The following ANTXR1 variants were observed in gnomAD, a reference collection of about 807,000 sequenced individuals.
The protein encoded by ANTXR1 is ANTXR cell adhesion molecule 1, also known as anthrax toxin receptor 1.
In ANTXR1, 19 loss-of-function variants were observed where a neutral mutation model predicts 78.1. That is an observed-to-expected ratio of 0.24 (90% confidence interval 0.17 to 0.36). ANTXR1 has a LOEUF of 0.36. ANTXR1 is among the 10% of genes least tolerant of loss of function. The probability of loss-of-function intolerance (pLI) is 1.00; values close to 1 mark genes in which losing one functional copy is unlikely to be tolerated. For missense variants in ANTXR1, 518 were observed against 718.6 expected (o/e 0.72, Z 3.19); for synonymous variants, 273 against 260.5 (o/e 1.05, Z -0.46).
At chr2:69,058,257 G>A (rs913852321) in intron 3 of ANTXR1, among the ~76,000 whole-genome samples, 24 of 152,180 alleles carry the variant, frequency 1.6e-4, no homozygotes, top group African/African-American at 5.3e-4. Context: ...GGAAGAAGAT[G>A]CCATCTAGGA....
intron 12 of ANTXR1, chr2:69,146,053 C>T (rs1294511076): frequency 8.1e-6 from 8 of 985,320 alleles, no homozygotes; most frequent in East Asian, 1.1e-4. Flanking sequence ...CCATTCAAGC[C>T]GGGCAGCCTT....
intron 10 of ANTXR1, 173 bp downstream of exon 10, chr2:69,103,113 A>G: frequency 1.4e-6 from 1 of 732,738 alleles, no homozygotes; most frequent in Non-Finnish European, 2.4e-6. Flanking sequence ...CCAGTCAGAA[A>G]AGGCACCACT....
Position 69,245,220 on chromosome 2 carries a change from T to C in ANTXR1, c.1435-5T>C, listed in dbSNP as rs1675988811. The C allele has an allele frequency of 9.3e-6, 15 of 1,613,950 alleles. No individual in the cohort carries two copies. Among genetic ancestry groups the C allele is most frequent in the Non-Finnish European group, 1.3e-5 (15 of 1,179,996 alleles). ...CACGTTTCCTTCTCTCCAATTCTTT[T>C]CTAGGGGCGCTGCATCAACTTCACC... On this transcript the variant is annotated splice_polypyrimidine_tract_variant and splice_region_variant and intron_variant, in intron 17 of 17. Coordinates refer to ENST00000303714, the MANE Select transcript of ANTXR1 (RefSeq NM_032208.3).
intron 17 of ANTXR1, among the ~76,000 whole-genome samples, chr2:69,199,853 C>T (rs1172826182): frequency 1.3e-5 from 2 of 152,124 alleles, no homozygotes; most frequent in African/African-American, 4.8e-5. Flanking sequence ...AGGCAACTCC[C>T]CATGTTCCTT....
chr2:69,093,454 A>G (rs913743131), intron 9 of ANTXR1, among the ~76,000 whole-genome samples: 5 of 152,256 alleles, frequency 3.3e-5, no homozygotes, highest in African/African-American at 1.2e-4. Flanking sequence ...CCTATATGTC[A>G]TTAAGGTGTT....
intron 4 of ANTXR1, 89 bp downstream of exon 4, chr2:69,070,817 A>G: frequency 8.2e-7 from 1 of 1,222,868 alleles, no homozygotes. Flanking sequence ...CACTTATATT[A>G]AGAGGGCTGA....
intron 17 of ANTXR1, among the ~76,000 whole-genome samples, chr2:69,209,087 C>A (rs1160042844): frequency 2.0e-5 from 3 of 152,208 alleles, no homozygotes; most frequent in African/African-American, 7.2e-5. Flanking sequence ...AACAAGCATT[C>A]AAGGTCTCTC....
At chr2:69,148,901 A>G (rs972440054) in intron 12 of ANTXR1, among the ~76,000 whole-genome samples, 1 of 152,196 alleles carries the variant, frequency 6.6e-6, no homozygotes, top group Non-Finnish European at 1.5e-5. Flanking sequence ...TAGCCAATCA[A>G]TCCTGTATTT....
At chr2:69,058,731 T>C (rs1221546799) in intron 3 of ANTXR1, among the ~76,000 whole-genome samples, 1 of 152,228 alleles carries the variant, frequency 6.6e-6, no homozygotes, top group Non-Finnish European at 1.5e-5. Context: ...TGTCTATAGC[T>C]GCCATACATA....
intron 13 of ANTXR1, among the ~76,000 whole-genome samples, chr2:69,164,810 C>T (rs1445706558): frequency 2.0e-5 from 3 of 152,166 alleles, no homozygotes; most frequent in Non-Finnish European, 4.4e-5. Context: ...CAACACAGGA[C>T]GGGAGGCAGT....
At chr2:69,172,644 A>T (rs1674020852) in intron 14 of ANTXR1, 2 of 766,538 alleles carry the variant, frequency 2.6e-6, no homozygotes, top group Middle Eastern at 4.8e-4. Flanking sequence ...TGAGAGAGGC[A>T]TGTCTACTAT....
At position 69,222,000 on chromosome 2, in the gene ANTXR1, C is replaced by T. The variant is rs370518022; in HGVS notation, c.1435-23225C>T. On this transcript the variant is annotated intron_variant, in intron 17 of 17. Coordinates refer to ENST00000303714, the MANE Select transcript of ANTXR1 (RefSeq NM_032208.3). ...AGCGGGTTTCGGAAAAATGTTCCAG[C>T]CCATTAATTCAAAGCCTGAGTGAGG... 5.3e-5 allele frequency among the ~76,000 whole-genome samples: 8 copies of T among 152,226 alleles called. No homozygotes were observed. The East Asian group carries it at 7.7e-4, about 15-fold the overall frequency.
At chr2:69,068,217 G>C (rs1196488330) in intron 3 of ANTXR1, among the ~76,000 whole-genome samples, 2 of 152,110 alleles carry the variant, frequency 1.3e-5, no homozygotes, top group Non-Finnish European at 2.9e-5. Context: ...ATATAATGGG[G>C]ACCAAAACAG....
intron 17 of ANTXR1, among the ~76,000 whole-genome samples, chr2:69,205,658 A>G (rs77924772): frequency 6.8e-6 from 1 of 147,148 alleles, no homozygotes; most frequent in East Asian, 2.0e-4. Context: ...TCCTTGTCCC[A>G]GGGAGTATGG....
chr2:69,023,912 C>A (rs1437503088), intron 1 of ANTXR1, among the ~76,000 whole-genome samples: 3 of 152,156 alleles, frequency 2.0e-5, no homozygotes, highest in Non-Finnish European at 4.4e-5. Context: ...CTAACACATA[C>A]TCTTTGTAAT....
intron 12 of ANTXR1, chr2:69,146,106 C>T (rs1673219788): frequency 1.3e-5 from 13 of 985,306 alleles, no homozygotes; most frequent in Non-Finnish European, 1.4e-5. Context: ...AATGAAGGAG[C>T]GGGGCTGAGC....
chr2:69,037,800 A>G (rs115202144), intron 1 of ANTXR1, among the ~76,000 whole-genome samples: 237 of 152,242 alleles, frequency 1.6e-3, no homozygotes, highest in African/African-American at 5.6e-3. Flanking sequence ...GTTGCTTGCC[A>G]CTGCGGACAA....
chr2:69,146,167 C>T, intron 12 of ANTXR1: 1 of 985,366 alleles, frequency 1.0e-6, no homozygotes, highest in Non-Finnish European at 1.2e-6. Flanking sequence ...TAATAGCGGG[C>T]CTCTGTGTGA....
At chr2:69,202,024 G>A (rs1674785764) in intron 17 of ANTXR1, among the ~76,000 whole-genome samples, 1 of 152,106 alleles carries the variant, frequency 6.6e-6, no homozygotes, top group African/African-American at 2.4e-5. Context: ...CTAGTCAGGG[G>A]GCAGTTTTGC....
Sources: gnomAD v4.1 joint callset for allele counts (sites outside exome capture counted in the v4.1 genomes callset) on GRCh38, gnomAD v4.1.1 for gene constraint, MANE v1.5 for transcripts, NCBI Gene and HGNC (gene_info 2026-07-23, HGNC 2026-07-21) for gene names.